Variants in FBXL13 observed in about 807,000 individuals in gnomAD.
FBXL13 encodes the protein F-box and leucine-rich repeat protein 13.
FBXL13 carries 67 observed loss-of-function variants against 83.6 expected under a neutral mutation model. The ratio of observed to expected loss-of-function variants is 0.80; its 90% CI spans 0.66 to 0.98. The LOEUF (loss-of-function observed/expected upper bound fraction) is 0.98, where lower values mean the gene tolerates loss of function less well. Among genes scored for constraint, FBXL13 ranks in the 50% least tolerant of loss-of-function variants. The pLI is 0.00. For synonymous variants in FBXL13, 272 were observed against 299.5 expected (o/e 0.91, Z 0.95); for missense variants, 822 against 866.5 (o/e 0.95, Z 0.64).
At chr7:102,961,113 A>G (rs1409513422) in intron 8 of FBXL13, among the ~76,000 whole-genome samples, 1 of 150,496 alleles carries the variant, frequency 6.6e-6, no homozygotes, top group Non-Finnish European at 1.5e-5. Context: ...AATCTCCTTA[A>G]GCTGATAAGC....
chr7:102,968,876 A>C (rs1323884559), intron 6 of FBXL13, among the ~76,000 whole-genome samples: 4 of 152,184 alleles, frequency 2.6e-5, no homozygotes, highest in African/African-American at 9.7e-5. Context: ...GCCTGTACAA[A>C]GCTGGTACAG....
At chr7:102,870,916 T>TA (rs1382445613) in intron 16 of FBXL13, among the ~76,000 whole-genome samples, 1 of 152,086 alleles carries the variant, frequency 6.6e-6, no homozygotes, top group African/African-American at 2.4e-5. Flanking sequence ...ACCCTTTCTC[T>TA]AAAAAAATTT....
At chr7:102,978,011 T>C (rs1400755667) in intron 6 of FBXL13, among the ~76,000 whole-genome samples, 1 of 152,144 alleles carries the variant, frequency 6.6e-6, no homozygotes, top group Non-Finnish European at 1.5e-5. Context: ...GACGAATTAA[T>C]GGGTGCGGCA....
chr7:102,940,874 T>G (rs1438273258), intron 8 of FBXL13, among the ~76,000 whole-genome samples: 1 of 152,246 alleles, frequency 6.6e-6, no homozygotes, highest in Non-Finnish European at 1.5e-5. Context: ...AAGTTTTAAC[T>G]ATGAAAATGA....
chr7:102,959,304 T>C (rs1406504650), intron 8 of FBXL13, among the ~76,000 whole-genome samples: 1 of 152,110 alleles, frequency 6.6e-6, no homozygotes, highest in African/African-American at 2.4e-5. Flanking sequence ...AAACTCCTTG[T>C]GCACTTCTTC....
rs142435439 is a variant in FBXL13, at chr7:103,008,689, C to T, written c.495+16374G>A. 5.2e-4 allele frequency among the ~76,000 whole-genome samples: 79 copies of T among 152,204 alleles called. No homozygotes were observed. The East Asian group carries it at 0.013, about 24-fold the overall frequency. ...TCTCCTGCCTCAGCCTCCCGAGTAGCTGGGACTATAGGTGCACACCAACAC... is the reference window on the plus strand; with the variant it reads ...TCTCCTGCCTCAGCCTCCCGAGTAGTTGGGACTATAGGTGCACACCAACAC... On this transcript the variant is annotated intron_variant, in intron 6 of 19. Coordinates refer to ENST00000313221, the Ensembl canonical transcript of FBXL13.
chr7:103,016,480 C>T (rs935786790), intron 6 of FBXL13, among the ~76,000 whole-genome samples: 4 of 151,576 alleles, frequency 2.6e-5, no homozygotes, highest in South Asian at 2.1e-4. Context: ...TGGGGCTTGT[C>T]GGACAGTTGG....
chr7:102,861,362 G>A (rs549484282), intron 16 of FBXL13, among the ~76,000 whole-genome samples: 2 of 151,916 alleles, frequency 1.3e-5, no homozygotes, highest in Admixed American at 6.6e-5. Flanking sequence ...TATGCAGAAT[G>A]TCTCACATTC....
At chr7:102,863,949 C>T (rs572383733) in intron 16 of FBXL13, among the ~76,000 whole-genome samples, 1 of 152,146 alleles carries the variant, frequency 6.6e-6, no homozygotes, top group Admixed American at 6.5e-5. Flanking sequence ...AATCTGCCCC[C>T]TCTGCCGCCA....
chr7:103,068,272 T>C (rs753622000), intron 1 of FBXL13, among the ~76,000 whole-genome samples: 2 of 152,008 alleles, frequency 1.3e-5, no homozygotes, highest in African/African-American at 2.4e-5. Context: ...ATGAAGACAG[T>C]GAGTGCTAAA....
exon 5 of FBXL13, chr7:103,027,463 T>C (rs1319338793): frequency 2.5e-6 from 4 of 1,609,972 alleles, no homozygotes; most frequent in Non-Finnish European, 3.4e-6. Context: ...TCATCTTCTT[T>C]CTTTTTACTC....
intron 6 of FBXL13, 59 bp downstream of exon 7, chr7:103,025,004 G>A: frequency 1.5e-6 from 2 of 1,341,856 alleles, no homozygotes; most frequent in South Asian, 1.4e-5. Context: ...GGGATTACAG[G>A]CATGCACCAC....
chr7:102,964,591 C>T (rs551272453), intron 7 of FBXL13, among the ~76,000 whole-genome samples: 3 of 151,684 alleles, frequency 2.0e-5, no homozygotes, highest in East Asian at 2.0e-4. Context: ...TTAGTAGAGA[C>T]GAGGTTTCAC....
At chr7:102,974,039 A>T (rs1330381172) in intron 6 of FBXL13, among the ~76,000 whole-genome samples, 3 of 152,096 alleles carry the variant, frequency 2.0e-5, no homozygotes, top group Non-Finnish European at 2.9e-5. Context: ...ACCCTCAGTT[A>T]TGGGAAACTC....
At chr7:102,982,038 A>G (rs775705741) in intron 6 of FBXL13, among the ~76,000 whole-genome samples, 12 of 152,152 alleles carry the variant, frequency 7.9e-5, no homozygotes, top group Non-Finnish European at 1.3e-4. Context: ...TCCCGGGCAC[A>G]TATAGATACA....
chr7:102,860,794 A>C (rs900335446), intron 16 of FBXL13, among the ~76,000 whole-genome samples: 2 of 152,168 alleles, frequency 1.3e-5, no homozygotes, highest in African/African-American at 2.4e-5. Flanking sequence ...TATTTTGAAA[A>C]TATTCAAATG....
chr7:102,942,459 T>TAAAA, intron 8 of FBXL13: 1 of 794,976 alleles, frequency 1.3e-6, no homozygotes, highest in Non-Finnish European at 1.9e-6. Context: ...AGGGGGTTTT[T>TAAAA]ACCTCCTTTA....
At chr7:102,881,282 C>A (rs1281647782) in intron 14 of FBXL13, among the ~76,000 whole-genome samples, 1 of 151,504 alleles carries the variant, frequency 6.6e-6, no homozygotes, top group African/African-American at 2.4e-5. Context: ...CCTATCTCTA[C>A]AAAAATACAA....
intron 9 of FBXL13, among the ~76,000 whole-genome samples, chr7:102,930,315 A>G (rs1210165156): frequency 6.6e-6 from 1 of 151,928 alleles, no homozygotes; most frequent in Non-Finnish European, 1.5e-5. Context: ...ATTCCCTCCT[A>G]TCTCGTTAGG....
Sources: allele counts gnomAD v4.1 joint callset (sites outside exome capture counted in the v4.1 genomes callset), GRCh38; gene constraint gnomAD v4.1.1; transcripts MANE v1.5; gene names NCBI Gene and HGNC (gene_info 2026-07-23, HGNC 2026-07-21).